The following NHS variants were observed in gnomAD, a reference collection of about 807,000 sequenced individuals.
NHS encodes actin remodeling regulator NHS.
In NHS, 5 loss-of-function variants were observed where a neutral mutation model predicts 72.5. That is an observed-to-expected ratio of 0.07 (90% CI 0.04 to 0.14). The LOEUF is 0.14. Among genes scored for constraint, NHS ranks in the 10% least tolerant of loss-of-function variants. The probability of loss-of-function intolerance (pLI) is 1.00; values close to 1 mark genes in which losing one functional copy is unlikely to be tolerated. For missense variants in NHS, 1,072 were observed against 1,355.7 expected (o/e 0.79, Z 3.29); for synonymous variants, 464 against 547.7 (o/e 0.85, Z 2.13).
intron 1 of NHS, among the ~76,000 whole-genome samples, chrX:17,581,509 A>T (rs1479890524): frequency 9.0e-6 from 1 of 111,599 alleles, no homozygotes; most frequent in Admixed American, 9.5e-5. Flanking sequence ...GAAGGGAGAG[A>T]AGTCAAAGAC....
chrX:17,509,707 A>G (rs2146929866), intron 1 of NHS, among the ~76,000 whole-genome samples: 1 of 112,590 alleles, frequency 8.9e-6, no homozygotes, highest in Non-Finnish European at 1.9e-5. Flanking sequence ...TCAAGGTCAC[A>G]CAGCTTAAAG....
intron 1 of NHS, among the ~76,000 whole-genome samples, chrX:17,595,047 C>T (rs1441190417): frequency 8.9e-6 from 1 of 111,901 alleles, no homozygotes; most frequent in Admixed American, 9.4e-5. Flanking sequence ...AGGAGGATTC[C>T]ACCAGAGTTA....
chrX:17,376,399 T>C, intron 1 of NHS, 77 bp downstream of exon 1: 1 of 942,604 alleles, frequency 1.1e-6, no homozygotes, highest in Non-Finnish European at 1.5e-6. Context: ...GCAGCGGCAA[T>C]CCCAGCCCCG....
intron 1 of NHS, among the ~76,000 whole-genome samples, chrX:17,470,981 TAATG>T (rs1793308974): frequency 9.0e-6 from 1 of 111,686 alleles, no homozygotes; most frequent in Non-Finnish European, 1.9e-5. Flanking sequence ...AATAAATATT[TAATG>T]AATGAGTGAA....
intron 1 of NHS, among the ~76,000 whole-genome samples, chrX:17,434,320 G>A (rs913735489): frequency 2.7e-5 from 3 of 111,635 alleles, no homozygotes; most frequent in South Asian, 7.5e-4. Context: ...CTCAGTTGGC[G>A]TAAGGAGAAA....
At position 17,540,778 on chromosome X, in the gene NHS, G is replaced by A. The variant is rs143672325; in HGVS notation, c.566-146964G>A. Among the ~76,000 whole-genome samples, 993 of 112,479 alleles carry A rather than the reference G, an allele frequency of 8.8e-3. 14 individuals carry two copies. The highest frequency in any genetic ancestry group is 0.031 in the African/African-American group (952 of 30,981). On this transcript the variant is annotated intron_variant, in intron 1 of 8. Coordinates refer to ENST00000676302, the MANE Select transcript of NHS (RefSeq NM_001291867.2). ...CATCACAATTGTAAGGGCTCACACT[G>A]ATTGAATGTTTATTGTGTGGGCTGG...
At position 17,376,335 on chromosome X, in the gene NHS, G is replaced by A. The variant is rs1309379263; in HGVS notation, c.565+13G>A. 1 of 1,141,405 alleles carries A rather than the reference G, an allele frequency of 8.8e-7. No individual in the cohort carries two copies. The highest frequency in any genetic ancestry group is 3.3e-5 in the East Asian group (1 of 30,640). 94.1% of individuals were successfully genotyped at this position (1,141,405 alleles called of 1,213,427 possible). A position where few individuals can be genotyped will look rare whatever the true frequency, so the allele number is the denominator to read the frequency against. On this transcript the variant is annotated intron_variant, in intron 1 of 8. Transcript: ENST00000676302. Reference sequence around the variant, plus strand: ...CAGGAGGCAGTGCGTGAGTACCCGCGCCGTCCGCCCGCCAGGCTATGGGTT... The same window carrying A: ...CAGGAGGCAGTGCGTGAGTACCCGCACCGTCCGCCCGCCAGGCTATGGGTT...
intron 3 of NHS, among the ~76,000 whole-genome samples, chrX:17,701,594 G>A (rs749218917): frequency 1.3e-4 from 14 of 111,751 alleles, no homozygotes; most frequent in Non-Finnish European, 2.4e-4. Flanking sequence ...TTGGGCAACA[G>A]AAGGGCCACA....
chrX:17,468,472 T>C lies in NHS; in HGVS notation c.565+92150T>C, dbSNP rs532247178. On this transcript the variant is annotated intron_variant, in intron 1 of 8. Coordinates refer to ENST00000676302, the MANE Select transcript of NHS (RefSeq NM_001291867.2). ...TTCTTACTGAGAACACCAAAACCGATGATCACCACAGGAAGACTTAGTTAC... is the reference window on the plus strand; with the variant it reads ...TTCTTACTGAGAACACCAAAACCGACGATCACCACAGGAAGACTTAGTTAC... Among the ~76,000 whole-genome samples the C allele has an allele frequency of 7.0e-4, 76 of 108,681 alleles. 3 individuals carry two copies. In the South Asian group the frequency reaches 0.031, roughly 44 times the overall value. 94.4% of individuals were successfully genotyped at this position (108,681 alleles called of 115,157 possible).
At chrX:17,582,414 T>A (rs1427548808) in intron 1 of NHS, among the ~76,000 whole-genome samples, 1 of 111,958 alleles carries the variant, frequency 8.9e-6, no homozygotes, top group Non-Finnish European at 1.9e-5. Context: ...CCATAGGGGG[T>A]AAAAGCAAGG....
intron 1 of NHS, among the ~76,000 whole-genome samples, chrX:17,571,617 G>A (rs1478370192): frequency 9.0e-6 from 1 of 111,706 alleles, no homozygotes; most frequent in South Asian, 3.7e-4. Flanking sequence ...CAAAAAACCA[G>A]CTCCTGGATT....
At chrX:17,538,614 C>G (rs750649659) in intron 1 of NHS, among the ~76,000 whole-genome samples, 1 of 111,508 alleles carries the variant, frequency 9.0e-6, no homozygotes, top group East Asian at 2.8e-4. Context: ...AGAGAAAGCC[C>G]TCAGGGAGAG....
rs1329148579 is a variant in NHS, at chrX:17,414,388, T to C, written c.565+38066T>C. Among the ~76,000 whole-genome samples the C allele has an allele frequency of 9.8e-5, 11 of 112,531 alleles. No individual in the cohort carries two copies. In the Admixed American group the frequency reaches 1.0e-3, roughly 11 times the overall value. ...TAAATTCCATCAGCATGTTTGGTCA[T>C]GAATGTCAGTGTGACATTTCAGTCA... is the stretch of plus-strand genomic sequence containing the variant. On this transcript the variant is annotated intron_variant, in intron 1 of 8. Transcript: ENST00000676302.
chrX:17,732,176 C>T lies in NHS; in HGVS notation c.4668C>T (p.Ser1556=), dbSNP rs776071173. 1 of 1,211,925 alleles carries T rather than the reference C, an allele frequency of 8.3e-7. No homozygotes were observed. The highest frequency in any genetic ancestry group is 1.8e-5 in the South Asian group (1 of 56,982). ...PKPPGELTAE[S]PQSTDDAHQG... ...CTCCTGGGGAGCTCACAGCAGAGTC[C>T]CCTCAGAGCACCGATGATGCCCATC... Residue 1556 remains serine (S), a synonymous_variant, in exon 9 of 9, where the codon TCC becomes TCT. Transcript: ENST00000676302.
chrX:17,547,131 T>C (rs1294126912), intron 1 of NHS, among the ~76,000 whole-genome samples: 1 of 112,109 alleles, frequency 8.9e-6, no homozygotes, highest in Non-Finnish European at 1.9e-5. Context: ...TTTCCATGAT[T>C]CTGTGTGAGT....
intron 3 of NHS, among the ~76,000 whole-genome samples, chrX:17,711,235 T>G (rs977722734): frequency 2.7e-5 from 3 of 111,872 alleles, no homozygotes; most frequent in African/African-American, 9.8e-5. Flanking sequence ...CCACAGGGGA[T>G]GAATAAGATA....
chrX:17,722,047 A>C (rs1039491403), intron 5 of NHS, among the ~76,000 whole-genome samples: 2 of 112,211 alleles, frequency 1.8e-5, no homozygotes, highest in African/African-American at 6.5e-5. Context: ...TCCTTGGATG[A>C]AGGTAGGCTT....
intron 1 of NHS, among the ~76,000 whole-genome samples, chrX:17,600,481 A>T (rs1385272534): frequency 8.9e-6 from 1 of 112,261 alleles, no homozygotes; most frequent in African/African-American, 3.2e-5. Flanking sequence ...TTAATTTAAG[A>T]CGACGCCGTC....
intron 1 of NHS, among the ~76,000 whole-genome samples, chrX:17,620,291 G>C (rs1046831852): frequency 8.9e-6 from 1 of 112,090 alleles, no homozygotes; most frequent in Admixed American, 9.5e-5. Flanking sequence ...GAGTTTTTAA[G>C]AGTTGAAACT....
Sources: allele counts gnomAD v4.1 joint callset (sites outside exome capture counted in the v4.1 genomes callset), GRCh38; gene constraint gnomAD v4.1.1; transcripts MANE v1.5; gene names NCBI Gene and HGNC (gene_info 2026-07-23, HGNC 2026-07-21).